Variants in RABGAP1 observed in about 807,000 individuals in gnomAD.
The protein encoded by RABGAP1 is rab GTPase-activating protein 1.
RABGAP1 carries 23 observed loss-of-function variants against 137.6 expected under a neutral mutation model. The ratio of observed to expected loss-of-function variants is 0.17; its 90% CI spans 0.12 to 0.24. The LOEUF is 0.24. Among genes scored for constraint, RABGAP1 ranks in the 10% least tolerant of loss-of-function variants. The pLI, the probability that RABGAP1 is intolerant of heterozygous loss-of-function variation, is 1.00. For missense variants in RABGAP1, 906 were observed against 1,275.8 expected (o/e 0.71, Z 4.42); for synonymous variants, 451 against 450.7 (o/e 1.00, Z -0.01).
chr9:122,992,642 A>G (rs940673883), intron 6 of RABGAP1, among the ~76,000 whole-genome samples: 1 of 149,674 alleles, frequency 6.7e-6, no homozygotes, highest in Non-Finnish European at 1.5e-5. Context: ...TAACTTAAAT[A>G]TATTATTTAA....
rs949871668 is a variant in RABGAP1 at position 123,104,526 on chromosome 9, C to A, written c.*1313C>A. On this transcript the variant is annotated 3_prime_UTR_variant, in exon 26 of 26. Coordinates refer to ENST00000373647, the MANE Select transcript of RABGAP1 (RefSeq NM_012197.4). The stretch of plus-strand genomic sequence containing the variant: ...CGTTCAGTGTTGAGGCGGCTGCTTA[C>A]AAGAGGCACTGGTTTTGTATATAAA... 6.6e-6 allele frequency: 1 copy of A among 152,542 alleles called. No homozygotes were observed. The highest frequency in any genetic ancestry group is 1.5e-5 in the Non-Finnish European group (1 of 68,048). The allele number at this position is 152,542 out of a possible 1,614,324, so 9.4% of individuals were successfully genotyped here.
At chr9:122,965,135 A>C (rs370604149) in intron 2 of RABGAP1, among the ~76,000 whole-genome samples, 26 of 152,244 alleles carry the variant, frequency 1.7e-4, no homozygotes, top group African/African-American at 5.8e-4. Context: ...AAAATGTAGT[A>C]TACAATGGAA....
chr9:123,029,806 C>A, intron 13 of RABGAP1: 1 of 460,224 alleles, frequency 2.2e-6, no homozygotes, highest in Non-Finnish European at 4.1e-6. Flanking sequence ...AGATGTCAGA[C>A]AAAAAGTGAA....
intron 11 of RABGAP1, among the ~76,000 whole-genome samples, chr9:123,012,783 A>G (rs903342418): frequency 2.6e-5 from 4 of 152,232 alleles, no homozygotes; most frequent in African/African-American, 9.6e-5. Flanking sequence ...ACCCCCTAGA[A>G]TTCATTTTTA....
At chr9:123,086,211 T>C (rs1190299191) in intron 19 of RABGAP1, among the ~76,000 whole-genome samples, 2 of 152,180 alleles carry the variant, frequency 1.3e-5, no homozygotes, top group East Asian at 3.8e-4. Context: ...CAGAGGTGAA[T>C]AGGAGTGAGC....
At chr9:123,091,098 A>G (rs568614205) in intron 21 of RABGAP1, among the ~76,000 whole-genome samples, 1 of 152,248 alleles carries the variant, frequency 6.6e-6, no homozygotes, top group Non-Finnish European at 1.5e-5. Context: ...ATGAATGAGC[A>G]TGGCTATGTT....
chr9:122,967,097 C>G (rs1233437121), intron 2 of RABGAP1, among the ~76,000 whole-genome samples: 1 of 152,106 alleles, frequency 6.6e-6, no homozygotes, highest in Non-Finnish European at 1.5e-5. Flanking sequence ...CCTTGTAAGA[C>G]AAGTGAGGAA....
At chr9:122,947,181 A>G (rs1275555156) in intron 1 of RABGAP1, among the ~76,000 whole-genome samples, 2 of 152,236 alleles carry the variant, frequency 1.3e-5, no homozygotes, top group Non-Finnish European at 2.9e-5. Context: ...ATTGTGACAC[A>G]TGCTACAATA....
chr9:122,945,004 C>T (rs1833861601), intron 1 of RABGAP1, among the ~76,000 whole-genome samples: 1 of 151,888 alleles, frequency 6.6e-6, no homozygotes, highest in Non-Finnish European at 1.5e-5. Context: ...CAGAATTTGG[C>T]ATGACATTTT....
intron 11 of RABGAP1, 36 bp from the exon 12 acceptor site, chr9:123,015,505 ATC>A: frequency 7.3e-7 from 1 of 1,365,650 alleles, no homozygotes; most frequent in Non-Finnish European, 1.0e-6. Flanking sequence ...TAGCATAGCC[ATC>A]TCTGTTACCG....
intron 19 of RABGAP1, among the ~76,000 whole-genome samples, chr9:123,078,513 TAACA>T (rs1321014411): frequency 5.3e-5 from 8 of 152,170 alleles, no homozygotes; most frequent in Admixed American, 5.2e-4. Context: ...GTTAAGTAGA[TAACA>T]AACATTTTAC....
rs1364429784 is a variant in RABGAP1, at chr9:123,010,468, C to T, written c.1489C>T (p.Pro497Ser). ...KTTASPSVRL[P>S]QSGSQSSVIP... ...TACAGCCAGTCCTTCAGTTCGCCTG[C>T]CACAGTCTGGATCGCAAAGTTCAGT... The change falls in exon 11 of 26, where the codon CCA becomes TCA. Residue 497 changes from proline to serine, a missense_variant. Coordinates refer to ENST00000373647, the MANE Select transcript of RABGAP1 (RefSeq NM_012197.4). 3.7e-6 allele frequency: 6 copies of T among 1,613,798 alleles called. No homozygotes were observed. Among genetic ancestry groups the T allele is most frequent in the Non-Finnish European group, 5.1e-6 (6 of 1,179,862 alleles).
chr9:123,060,766 A>AT (rs761919821), intron 13 of RABGAP1, among the ~76,000 whole-genome samples: 6 of 152,218 alleles, frequency 3.9e-5, no homozygotes, highest in Non-Finnish European at 5.9e-5. Flanking sequence ...TACCACTACA[A>AT]TTACAGGGTT....
chr9:122,975,802 C>T lies in RABGAP1; in HGVS notation c.151-8683C>T, dbSNP rs191840340. ...ATACGTAAGTGCCCAATAATGTTATCAAACCCTAATAACAATCCTGTGAGA... is the reference window on the plus strand; with the variant it reads ...ATACGTAAGTGCCCAATAATGTTATTAAACCCTAATAACAATCCTGTGAGA... On this transcript the variant is annotated intron_variant, in intron 2 of 25. Transcript: ENST00000373647. Among the ~76,000 whole-genome samples the T allele has an allele frequency of 9.2e-5, 14 of 152,326 alleles. No individual in the cohort carries two copies. In the East Asian group the frequency reaches 2.7e-3, roughly 29 times the overall value.
chr9:123,045,748 T>G (rs2033177502), intron 13 of RABGAP1, among the ~76,000 whole-genome samples: 1 of 152,158 alleles, frequency 6.6e-6, no homozygotes, highest in South Asian at 2.1e-4. Flanking sequence ...TCCTCTGAGA[T>G]AAAGAGGAAG....
chr9:123,028,626 T>G (rs1242534872), intron 13 of RABGAP1, among the ~76,000 whole-genome samples: 1 of 151,922 alleles, frequency 6.6e-6, no homozygotes, highest in Non-Finnish European at 1.5e-5. Context: ...ACCAGAGAGG[T>G]GGTAGATAGG....
At position 122,995,981 on chromosome 9, in the gene RABGAP1, T is replaced by C; in HGVS notation, c.924-60T>C. ...GATTTGAGGTCTTTGTTTAAAAAAA[T>C]GGTTCTAGTATGTGACAAGAAAATG... On this transcript the variant is annotated intron_variant, in intron 6 of 25. Coordinates refer to ENST00000373647, the MANE Select transcript of RABGAP1 (RefSeq NM_012197.4). 3 of 1,510,792 alleles carry C rather than the reference T, an allele frequency of 2.0e-6. No homozygotes were observed. In the South Asian group the frequency reaches 4.0e-5, roughly 20 times the overall value. The allele number at this position is 1,510,792 out of a possible 1,614,324, so 93.6% of individuals were successfully genotyped here.
Position 122,984,639 on chromosome 9 carries a change from C to T in RABGAP1, c.305C>T (p.Ala102Val). 6.2e-7 allele frequency: 1 copy of T among 1,614,184 alleles called. No homozygotes were observed. Among genetic ancestry groups the T allele is most frequent in the Non-Finnish European group, 8.5e-7 (1 of 1,180,026 alleles). ...GGGCCTCTTTCTAATCAGCTCTCCG[C>T]TTCATCCACCATTAACCCTGTGCCA... is the stretch of plus-strand genomic sequence containing the variant. Reference protein sequence around the residue: ...GDGPLSNQLSASSTINPVPLV... With the variant: ...GDGPLSNQLSVSSTINPVPLV... Residue 102 changes from alanine to valine, a missense_variant, in exon 3 of 26, where the codon GCT becomes GTT. This residue lies in a region of RABGAP1 where 331 missense variants were observed against 358.3 expected (regional missense o/e 0.92). Transcript: ENST00000373647.
intron 1 of RABGAP1, among the ~76,000 whole-genome samples, chr9:122,948,042 A>AAC (rs55683114): frequency 0.15 from 22,567 of 145,632 alleles, 2,517 homozygotes; most frequent in East Asian, 0.4. Context: ...GAGCCAGGAA[A>AAC]ACACACACAC....
Sources: gnomAD v4.1 joint callset for allele counts (sites outside exome capture counted in the v4.1 genomes callset) on GRCh38, gnomAD v4.1.1 for gene constraint, gnomAD v4.1.1 regional missense constraint, MANE v1.5 for transcripts, NCBI Gene and HGNC (gene_info 2026-07-23, HGNC 2026-07-21) for gene names.